IMMP2L: variants seen among roughly 807,000 people sequenced by gnomAD.
IMMP2L encodes the protein mitochondrial inner membrane protease subunit 2.
A neutral mutation model predicts 19.3 loss-of-function variants in IMMP2L; 18 were observed. That is an observed-to-expected ratio of 0.93 (90% CI 0.64 to 1.38). The LOEUF (loss-of-function observed/expected upper bound fraction) is 1.38. IMMP2L is among the 40% of genes most tolerant of loss of function. The probability of loss-of-function intolerance (pLI) is 0.00; values close to 1 mark genes in which losing one functional copy is unlikely to be tolerated. For synonymous variants in IMMP2L, 76 were observed against 73.0 expected, an observed-to-expected ratio of 1.04 and a Z score of -0.21; for missense variants, 233 against 218.2, an observed-to-expected ratio of 1.07 and a Z score of -0.43.
In IMMP2L at chr7:111,465,501, T is replaced by TAAA. The variant is rs757362734; in HGVS notation, c.239+21734_239+21736dup. Reference sequence around the variant, plus strand: ...AGTAGTGTTTGAGACCAGGTGTCACTAAAAAAAAAAAAAAAAAAAAAAAAT... The same window carrying TAAA: ...AGTAGTGTTTGAGACCAGGTGTCACTAAAAAAAAAAAAAAAAAAAAAAAAAAAT... On this transcript the variant is annotated intron_variant, in intron 3 of 5. Coordinates refer to ENST00000405709, the MANE Select transcript of IMMP2L (RefSeq NM_032549.4). Among the ~76,000 whole-genome samples, 382 of 64,258 alleles carry TAAA rather than the reference T, an allele frequency of 5.9e-3. 3 individuals carry two copies. Among genetic ancestry groups the TAAA allele is most frequent in the African/African-American group, 0.014 (282 of 19,596 alleles). The allele number at this position is 64,258 out of a possible 152,430, so 42.2% of individuals were successfully genotyped here. A position where few individuals can be genotyped will look rare whatever the true frequency, so the allele number is the denominator to read the frequency against.
chr7:110,777,022 T>A (rs962211838), intron 5 of IMMP2L, among the ~76,000 whole-genome samples: 1 of 152,020 alleles, frequency 6.6e-6, no homozygotes, highest in Non-Finnish European at 1.5e-5. Context: ...TTTGTTAATA[T>A]GTGTGGCTAT....
intron 3 of IMMP2L, among the ~76,000 whole-genome samples, chr7:111,282,092 G>C (rs1033479338): frequency 6.6e-6 from 1 of 152,044 alleles, no homozygotes; most frequent in African/African-American, 2.4e-5. Flanking sequence ...CTAGGTAGTG[G>C]ACAAATAAAC....
intron 3 of IMMP2L, among the ~76,000 whole-genome samples, chr7:111,344,639 T>C (rs1233647791): frequency 1.3e-5 from 2 of 152,208 alleles, no homozygotes; most frequent in Non-Finnish European, 2.9e-5. Flanking sequence ...AACACAAGGT[T>C]CTTATTTTCT....
chr7:110,874,070 T>G (rs1314328600), intron 5 of IMMP2L, among the ~76,000 whole-genome samples: 2 of 152,130 alleles, frequency 1.3e-5, no homozygotes, highest in Admixed American at 6.6e-5. Context: ...TTTTTGTGCA[T>G]ATACAAATGA....
chr7:110,813,491 G>C (rs1027932617), intron 5 of IMMP2L, among the ~76,000 whole-genome samples: 1 of 150,572 alleles, frequency 6.6e-6, no homozygotes, highest in African/African-American at 2.4e-5. Flanking sequence ...ACAGTGGTGT[G>C]ATCATAGCAC....
chr7:110,864,279 TA>T (rs1807759276), intron 5 of IMMP2L, among the ~76,000 whole-genome samples: 1 of 152,072 alleles, frequency 6.6e-6, no homozygotes, highest in African/African-American at 2.4e-5. Flanking sequence ...TACTAGTGAT[TA>T]TTTTTTAAAA....
chr7:110,691,399 T>C (rs961915738), intron 5 of IMMP2L, among the ~76,000 whole-genome samples: 2 of 152,028 alleles, frequency 1.3e-5, no homozygotes, highest in Non-Finnish European at 2.9e-5. Flanking sequence ...CTCTGGACAT[T>C]GGCCTAGGCA....
At chr7:111,144,702 C>A (rs1484471069) in intron 3 of IMMP2L, among the ~76,000 whole-genome samples, 1 of 152,038 alleles carries the variant, frequency 6.6e-6, no homozygotes, top group Non-Finnish European at 1.5e-5. Flanking sequence ...GAATGGATTA[C>A]AATGAAAGAG....
At chr7:111,069,353 C>T (rs1433130377) in intron 3 of IMMP2L, among the ~76,000 whole-genome samples, 1 of 152,076 alleles carries the variant, frequency 6.6e-6, no homozygotes, top group Non-Finnish European at 1.5e-5. Context: ...GCCCTTTGAA[C>T]TCAAACATTT....
chr7:111,555,167 A>G (rs1791129311), intron 1 of IMMP2L, among the ~76,000 whole-genome samples: 2 of 152,100 alleles, frequency 1.3e-5, no homozygotes, highest in Non-Finnish European at 2.9e-5. Flanking sequence ...ATGCTGAATG[A>G]TTTTTATGTT....
intron 5 of IMMP2L, among the ~76,000 whole-genome samples, chr7:110,737,724 C>T (rs1162546695): frequency 6.6e-6 from 1 of 152,216 alleles, no homozygotes; most frequent in African/African-American, 2.4e-5. Flanking sequence ...CTGATGTGCT[C>T]TTCAGCTCCT....
intron 3 of IMMP2L, among the ~76,000 whole-genome samples, chr7:111,485,449 T>G (rs1029741778): frequency 1.3e-5 from 2 of 151,692 alleles, no homozygotes; most frequent in Non-Finnish European, 2.9e-5. Context: ...ATACAAAAAA[T>G]TAGCTGGGCG....
At chr7:111,267,391 G>T (rs1817945639) in intron 3 of IMMP2L, among the ~76,000 whole-genome samples, 1 of 152,042 alleles carries the variant, frequency 6.6e-6, no homozygotes, top group Non-Finnish European at 1.5e-5. Flanking sequence ...ACCCTAATTT[G>T]TTATTATTTA....
At chr7:111,187,871 T>G (rs1055702698) in intron 3 of IMMP2L, among the ~76,000 whole-genome samples, 1 of 152,158 alleles carries the variant, frequency 6.6e-6, no homozygotes, top group South Asian at 2.1e-4. Flanking sequence ...CTCTGGAATC[T>G]GAGGCCTTAA....
Position 111,464,840 on chromosome 7 carries a change from G to A in IMMP2L, c.239+22398C>T, listed in dbSNP as rs551775817. The stretch of plus-strand genomic sequence containing the variant: ...AGCCTAGCTTGTCACCCAGGCTGGA[G>A]TGCAGTGGTGCGACCTCGCCTCACT... On this transcript the variant is annotated intron_variant, in intron 3 of 5. Coordinates refer to ENST00000405709, the MANE Select transcript of IMMP2L (RefSeq NM_032549.4). Among the ~76,000 whole-genome samples the A allele has an allele frequency of 4.6e-5, 7 of 152,124 alleles. No homozygotes were observed. In the East Asian group the frequency reaches 1.2e-3, roughly 25 times the overall value.
chr7:111,469,686 A>T, intron 3 of IMMP2L, among the ~76,000 whole-genome samples: 1 of 152,130 alleles, frequency 6.6e-6, no homozygotes, highest in East Asian at 1.9e-4. Context: ...CAAAGCTGAA[A>T]CTGGATCCCT....
At chr7:111,442,982 A>G (rs1374003486) in intron 3 of IMMP2L, among the ~76,000 whole-genome samples, 1 of 151,918 alleles carries the variant, frequency 6.6e-6, no homozygotes, top group Admixed American at 6.6e-5. Context: ...GCCTCATACA[A>G]CCATCTAGAA....
intron 3 of IMMP2L, among the ~76,000 whole-genome samples, chr7:111,378,866 T>C (rs1830929051): frequency 6.6e-6 from 1 of 151,906 alleles, no homozygotes; most frequent in South Asian, 2.1e-4. Flanking sequence ...TGACTTGCAG[T>C]CTTTACAAAC....
At chr7:111,199,184 C>T (rs1174670407) in intron 3 of IMMP2L, among the ~76,000 whole-genome samples, 4 of 152,022 alleles carry the variant, frequency 2.6e-5, no homozygotes, top group Non-Finnish European at 5.9e-5. Flanking sequence ...TACAAAAAAA[C>T]CTGCCTCATT....
Sources: allele counts gnomAD v4.1 joint callset (sites outside exome capture counted in the v4.1 genomes callset), GRCh38; gene constraint gnomAD v4.1.1; transcripts MANE v1.5; gene names NCBI Gene and HGNC (gene_info 2026-07-23, HGNC 2026-07-21).